AZGP1: variants seen among roughly 807,000 people sequenced by gnomAD.
AZGP1 encodes the protein zinc-alpha-2-glycoprotein.
A neutral mutation model predicts 31.5 loss-of-function variants in AZGP1; 28 were observed. The observed-to-expected ratio is 0.89, with a 90% CI of 0.66 to 1.22. The LOEUF is 1.22. Among genes scored for constraint, AZGP1 ranks in the 50% most tolerant of loss-of-function variants. AZGP1 has a pLI of 0.00. For synonymous variants in AZGP1, 135 were observed against 145.4 expected (o/e 0.93, Z 0.51); for missense variants, 361 against 371.8 (o/e 0.97, Z 0.24).
Position 99,968,329 on chromosome 7 carries a change from A to G in AZGP1, c.439T>C (p.Phe147Leu). Reference sequence around the variant, plus strand: ...ACCCAGGCTGGGATTTCTTTGTTGAATTCAATGTAGTCCTTTCCATCATAG... The same window carrying G: ...ACCCAGGCTGGGATTTCTTTGTTGAGTTCAATGTAGTCCTTTCCATCATAG... ...YYYDGKDYIE[F>L]NKEIPAWVPF... Residue 147 changes from phenylalanine to leucine, a missense_variant, in exon 3 of 4, where the codon TTC (phenylalanine) becomes CTC (leucine). Phe to Leu is a conservative substitution (Grantham distance 22, BLOSUM62 0). Coordinates refer to ENST00000292401, the MANE Select transcript of AZGP1 (RefSeq NM_001185.4). 6.2e-7 allele frequency: 1 copy of G among 1,613,548 alleles called. No homozygotes were observed. Among genetic ancestry groups the G allele is most frequent in the African/African-American group, 1.3e-5 (1 of 74,810 alleles).
chr7:99,967,499 C>A (rs1310663572), intron 3 of AZGP1: 2 of 597,616 alleles, frequency 3.3e-6, no homozygotes, highest in East Asian at 2.8e-5. Context: ...TTGACTCTGA[C>A]GGCAATAAGT....
intron 3 of AZGP1, chr7:99,967,686 C>T (rs539622811): frequency 2.5e-6 from 1 of 405,792 alleles, no homozygotes; most frequent in Non-Finnish European, 4.4e-6. Context: ...TCTCAGCTTG[C>T]AGCCATCAAT....
Position 99,966,746 on chromosome 7 carries a change from A to G in AZGP1, c.*257T>C. ...TCTCTGTTATGCTAGGCAAGGAGGG[A>G]TGATTATTTATTAGCTTCTACAGAT... is the stretch of plus-strand genomic sequence containing the variant. On this transcript the variant is annotated 3_prime_UTR_variant, in exon 4 of 4. Transcript: ENST00000292401. The G allele has an allele frequency of 1.9e-6, 1 of 540,136 alleles. No individual in the cohort carries two copies. The highest frequency in any genetic ancestry group is 2.4e-5 in the South Asian group (1 of 41,242). 33.5% of individuals were successfully genotyped at this position (540,136 alleles called of 1,614,324 possible). A position where few individuals can be genotyped will look rare whatever the true frequency, so the allele number is the denominator to read the frequency against.
chr7:99,974,084 C>A (rs1192166802), intron 1 of AZGP1, among the ~76,000 whole-genome samples: 1 of 151,710 alleles, frequency 6.6e-6, no homozygotes, highest in Non-Finnish European at 1.5e-5. Flanking sequence ...ACCAGTCTAG[C>A]CAACATGGTG....
At chr7:99,967,393 C>T (rs1789502776) in intron 3 of AZGP1, 107 bp from the exon 4 acceptor site, 3 of 1,298,734 alleles carry the variant, frequency 2.3e-6, no homozygotes, top group Non-Finnish European at 2.1e-6. Context: ...GAGCTCGAAG[C>T]TCTGTACCTG....
chr7:99,966,762 T>C lies in AZGP1; in HGVS notation c.*241A>G, dbSNP rs552760615. On this transcript the variant is annotated 3_prime_UTR_variant, in exon 4 of 4. Transcript: ENST00000292401. Reference sequence around the variant, plus strand: ...CAAGGAGGGATGATTATTTATTAGCTTCTACAGATTAGACAATGGGGTGGG... The same window carrying C: ...CAAGGAGGGATGATTATTTATTAGCCTCTACAGATTAGACAATGGGGTGGG... 8.5e-6 allele frequency: 5 copies of C among 590,740 alleles called. No individual in the cohort carries two copies. Among genetic ancestry groups the C allele is most frequent in the Non-Finnish European group, 1.2e-5 (4 of 335,978 alleles). The allele number at this position is 590,740 out of a possible 1,614,324, so 36.6% of individuals were successfully genotyped here.
Position 99,972,884 on chromosome 7 carries a change from G to A in AZGP1, c.77-878C>T, listed in dbSNP as rs138583230. Among the ~76,000 whole-genome samples the A allele has an allele frequency of 5.7e-3, 872 of 152,246 alleles. 5 individuals carry two copies. Among genetic ancestry groups the A allele is most frequent in the African/African-American group, 0.02 (845 of 41,528 alleles). ...TGTAATCCCAGCACTTTAGGGGGCC[G>A]AGGCGGGTGGATCACGAGGTCAGGA... On this transcript the variant is annotated intron_variant, in intron 1 of 3. Transcript: ENST00000292401.
intron 3 of AZGP1, 111 bp from the exon 4 acceptor site, chr7:99,967,397 GTAC>G: frequency 8.0e-7 from 1 of 1,257,752 alleles, no homozygotes; most frequent in Non-Finnish European, 1.1e-6. Context: ...TCGAAGCTCT[GTAC>G]CTGCCCACCC....
intron 2 of AZGP1, among the ~76,000 whole-genome samples, chr7:99,970,407 C>G (rs533014059): frequency 6.6e-6 from 1 of 152,038 alleles, no homozygotes; most frequent in South Asian, 2.1e-4. Flanking sequence ...CCATGCCAGG[C>G]TATTTTTGTA....
intron 1 of AZGP1, among the ~76,000 whole-genome samples, chr7:99,973,907 A>C (rs1003523476): frequency 1.2e-4 from 17 of 144,126 alleles, no homozygotes; most frequent in African/African-American, 3.3e-4. Context: ...CTCTGTCACA[A>C]AAAAAAAAAA....
In AZGP1 at chr7:99,966,925, C is replaced by G. The variant is rs1024299903; in HGVS notation, c.*78G>C. 91 of 1,535,880 alleles carry G rather than the reference C, an allele frequency of 5.9e-5. No homozygotes were observed. Among genetic ancestry groups the G allele is most frequent in the Non-Finnish European group, 7.0e-5 (79 of 1,132,382 alleles). ...CTTGTGGATCCATTGACTGTGATTT[C>G]TGTGGTTCAGCTCCCACATCAGGCA... is the stretch of plus-strand genomic sequence containing the variant. On this transcript the variant is annotated 3_prime_UTR_variant, in exon 4 of 4. Transcript: ENST00000292401.
At position 99,971,922 on chromosome 7, in the gene AZGP1, T is replaced by C. The variant is rs1400780030; in HGVS notation, c.161A>G (p.Asn54Ser). The change falls in exon 2 of 4, where the codon AAT becomes AGT. Residue 54 changes from asparagine (N) to serine (S), a missense_variant. By Grantham distance (46) the Asn-to-Ser change is conservative (BLOSUM62 1). Transcript: ENST00000292401. Reference protein sequence around the residue: ...VPAFQALGSLNDLQFFRYNSK... With the variant: ...VPAFQALGSLSDLQFFRYNSK... ...GTTGTATCTAAAGAACTGGAGGTCA[T>C]TGAGTGAGCCAAGGGCCTGAAACGC... 2.5e-6 allele frequency: 4 copies of C among 1,614,174 alleles called. No individual in the cohort carries two copies. The highest frequency in any genetic ancestry group is 2.2e-5 in the South Asian group (2 of 91,086).
intron 3 of AZGP1, 114 bp downstream of exon 3, chr7:99,968,041 G>T: frequency 7.4e-7 from 1 of 1,357,324 alleles, no homozygotes; most frequent in Non-Finnish European, 1.0e-6. Context: ...AAAGCTGGGG[G>T]TCTGAGGGAC....
chr7:99,968,392 C>G lies in AZGP1; in HGVS notation c.376G>C (p.Glu126Gln), dbSNP rs768740740. Residue 126 changes from glutamate to glutamine, a missense_variant, in exon 3 of 4, where the codon GAG becomes CAG. By Grantham distance (29) the Glu-to-Gln change is conservative. Transcript: ENST00000292401. ...VLQGRFGCEI[E>Q]NNRSSGAFWK... is the part of the protein sequence containing the mutation. ...AATGCTCCGCTGCTTCTGTTATTCT[C>G]GATCTCACAACCAAACCTTCCCTGC... 5 of 1,613,736 alleles carry G rather than the reference C, an allele frequency of 3.1e-6. No individual in the cohort carries two copies. The highest frequency in any genetic ancestry group is 4.2e-6 in the Non-Finnish European group (5 of 1,179,992).
At chr7:99,971,689 T>A in intron 2 of AZGP1, 57 bp downstream of exon 2, 1 of 1,565,956 alleles carries the variant, frequency 6.4e-7, no homozygotes, top group Non-Finnish European at 8.7e-7. Flanking sequence ...CCACTCACAC[T>A]GGGGGGGCTG....
In AZGP1 at chr7:99,972,011, A is replaced by G; in HGVS notation, c.77-5T>C. On this transcript the variant is annotated splice_region_variant and splice_polypyrimidine_tract_variant and intron_variant, in intron 1 of 3. Transcript: ENST00000292401. ...TATAGGTCAGAGAGTAACGACCTGC[A>G]AAAGAAAAGATTCTGATGGTTGAGG... is the stretch of plus-strand genomic sequence containing the variant. 1.3e-6 allele frequency: 2 copies of G among 1,599,392 alleles called. No individual in the cohort carries two copies. The highest frequency in any genetic ancestry group is 1.7e-6 in the Non-Finnish European group (2 of 1,171,514).
chr7:99,973,700 G>C (rs1438622508), intron 1 of AZGP1, among the ~76,000 whole-genome samples: 1 of 151,624 alleles, frequency 6.6e-6, no homozygotes, highest in East Asian at 1.9e-4. Context: ...TGGGTCACTT[G>C]AGGTCAGGAG....
intron 2 of AZGP1, among the ~76,000 whole-genome samples, chr7:99,970,712 C>G (rs1789563332): frequency 6.6e-6 from 1 of 152,136 alleles, no homozygotes; most frequent in African/African-American, 2.4e-5. Flanking sequence ...TTTTCCTTAC[C>G]AAGACCTCCC....
chr7:99,970,368 T>C (rs938159747), intron 2 of AZGP1, among the ~76,000 whole-genome samples: 2 of 152,074 alleles, frequency 1.3e-5, no homozygotes, highest in Non-Finnish European at 2.9e-5. Context: ...CTCAGCCTCC[T>C]GAGTAGCTGG....
Sources: allele counts gnomAD v4.1 joint callset (sites outside exome capture counted in the v4.1 genomes callset), GRCh38; gene constraint gnomAD v4.1.1; transcripts MANE v1.5; gene names NCBI Gene and HGNC (gene_info 2026-07-23, HGNC 2026-07-21).